Variants in RUBCN observed in about 807,000 individuals in gnomAD.
RUBCN encodes run domain Beclin-1-interacting and cysteine-rich domain-containing protein.
A neutral mutation model predicts 113.2 loss-of-function variants in RUBCN; 74 were observed. The observed-to-expected ratio is 0.65, with a 90% CI of 0.54 to 0.79. The LOEUF (loss-of-function observed/expected upper bound fraction) is 0.79. Ranked by LOEUF, RUBCN falls within the 30% of genes least tolerant of loss-of-function variation. The pLI is 0.00. For missense variants in RUBCN, 1,109 were observed against 1,251.7 expected, an observed-to-expected ratio of 0.89 and a Z score of 1.72; for synonymous variants, 480 against 490.0, an observed-to-expected ratio of 0.98 and a Z score of 0.27.
At chr3:197,717,901 C>T (rs2108958884) in intron 2 of RUBCN, 76 bp downstream of exon 2, 2 of 1,561,024 alleles carry the variant, frequency 1.3e-6, no homozygotes, top group Middle Eastern at 2.3e-4. Context: ...TGGCCTTCAT[C>T]TCCTCCCTGC....
chr3:197,685,740 T>C (rs1721768695), intron 11 of RUBCN, among the ~76,000 whole-genome samples: 1 of 152,228 alleles, frequency 6.6e-6, no homozygotes, highest in South Asian at 2.1e-4. Flanking sequence ...AAGTATATCA[T>C]GTTTTCTGGC....
intron 2 of RUBCN, among the ~76,000 whole-genome samples, chr3:197,705,982 G>A (rs1024013811): frequency 6.6e-6 from 1 of 152,116 alleles, no homozygotes; most frequent in African/African-American, 2.4e-5. Flanking sequence ...CCCGCCTTGG[G>A]TCACTTGTGT....
chr3:197,728,598 C>T (rs1029397704), intron 1 of RUBCN, among the ~76,000 whole-genome samples: 1 of 152,214 alleles, frequency 6.6e-6, no homozygotes, highest in African/African-American at 2.4e-5. Context: ...ATGACCACAA[C>T]GTTAATGTCT....
At chr3:197,720,866 T>C (rs1239464595) in intron 1 of RUBCN, among the ~76,000 whole-genome samples, 1 of 152,146 alleles carries the variant, frequency 6.6e-6, no homozygotes, top group South Asian at 2.1e-4. Flanking sequence ...TATTTTTAAC[T>C]TTTTGAGGAA....
At chr3:197,749,012 G>A (rs1264714051) in intron 1 of RUBCN, among the ~76,000 whole-genome samples, 1 of 152,184 alleles carries the variant, frequency 6.6e-6, no homozygotes, top group African/African-American at 2.4e-5. Context: ...GTAAATATCC[G>A]AGATAGTTTT....
At chr3:197,746,996 T>A (rs1285189892) in intron 1 of RUBCN, among the ~76,000 whole-genome samples, 3 of 152,034 alleles carry the variant, frequency 2.0e-5, no homozygotes, top group African/African-American at 7.3e-5. Context: ...ATTAAATGAA[T>A]AGCTACCTCT....
chr3:197,710,430 A>T (rs1410179648), intron 2 of RUBCN, among the ~76,000 whole-genome samples: 1 of 151,924 alleles, frequency 6.6e-6, no homozygotes, highest in Non-Finnish European at 1.5e-5. Flanking sequence ...GTGAAACCCC[A>T]TCTCTACTAA....
upstream of RUBCN, chr3:197,737,375 T>A (rs796458044): frequency 6.6e-6 from 1 of 150,618 alleles, no homozygotes; most frequent in South Asian, 2.2e-4. Flanking sequence ...CAGGTTGCTT[T>A]GGGATCATAA....
upstream of RUBCN, among the ~76,000 whole-genome samples, chr3:197,739,678 G>GCT (rs1728443394): frequency 6.6e-6 from 1 of 152,158 alleles, no homozygotes; most frequent in Non-Finnish European, 1.5e-5. Context: ...CAGCCTGGAA[G>GCT]ACAGAGCTAG....
intron 1 of RUBCN, among the ~76,000 whole-genome samples, chr3:197,718,827 A>G (rs1256801734): frequency 6.6e-6 from 1 of 152,172 alleles, no homozygotes; most frequent in East Asian, 1.9e-4. Flanking sequence ...TTTGCCAAAC[A>G]AAAAAGGCCA....
rs748416126 is a variant in RUBCN, at chr3:197,675,548, G to A, written c.2647-33C>T. 5.2e-6 allele frequency: 8 copies of A among 1,535,286 alleles called. 1 individual carries two copies. The highest frequency in any genetic ancestry group is 4.1e-5 in the African/African-American group (3 of 73,324). ...GGAAAAACACAGATGGCAAAATGAG[G>A]AGCGGCACATCAGGAACTGGCACGG... On this transcript the variant is annotated intron_variant, in intron 18 of 19. Transcript: ENST00000296343. This position sits in a 1 kb window ranked among gnomAD's most constrained non-coding sequence, Gnocchi z 4.4.
chr3:197,702,465 C>T (rs934763037), intron 5 of RUBCN, among the ~76,000 whole-genome samples: 2 of 152,168 alleles, frequency 1.3e-5, no homozygotes, highest in Non-Finnish European at 2.9e-5. Context: ...GAGATCGAGA[C>T]CAGCCTGGCC....
intron 16 of RUBCN, among the ~76,000 whole-genome samples, chr3:197,677,809 C>T (rs566456697): frequency 3.5e-4 from 51 of 145,826 alleles, no homozygotes; most frequent in Non-Finnish European, 6.5e-4. Flanking sequence ...CTGTCCCACA[C>T]TCTGACTGAC....
chr3:197,701,059 G>C lies in RUBCN; in HGVS notation c.815C>G (p.Thr272Ser). 1 of 1,612,862 alleles carries C rather than the reference G, an allele frequency of 6.2e-7. No homozygotes were observed. Among genetic ancestry groups the C allele is most frequent in the Non-Finnish European group, 8.5e-7 (1 of 1,179,164 alleles). ...RGHVSPAEDQ[T>S]IQAPPVSVSA... ...GACTGAAACTGGGGGGGCTTGGATG[G>C]TTTGATCCTCTGCTGGTGAGACGTG... The change falls in exon 7 of 20, where the codon ACC becomes AGC. Residue 272 changes from threonine to serine, a missense_variant. This residue lies in a region of RUBCN where 736 missense variants were observed against 779.6 expected (regional missense o/e 0.94). Transcript: ENST00000296343.
upstream of RUBCN, among the ~76,000 whole-genome samples, chr3:197,738,783 G>A (rs1273988786): frequency 3.3e-5 from 5 of 151,672 alleles, no homozygotes; most frequent in Admixed American, 6.6e-5. Flanking sequence ...GTAGAGACAG[G>A]GTCTCACTGT....
chr3:197,678,772 G>A (rs948531597), intron 16 of RUBCN, among the ~76,000 whole-genome samples: 1 of 129,356 alleles, frequency 7.7e-6, no homozygotes, highest in African/African-American at 3.0e-5. Context: ...ACTGTCCTAC[G>A]CTCTAACAAC....
intron 2 of RUBCN, among the ~76,000 whole-genome samples, chr3:197,706,369 T>C (rs116657061): frequency 0.012 from 1,852 of 152,176 alleles, 44 homozygotes; most frequent in African/African-American, 0.043. Context: ...TAAAAATATA[T>C]AGAGCTAGCA....
chr3:197,726,526 G>A (rs551555350), intron 1 of RUBCN, among the ~76,000 whole-genome samples: 4 of 140,672 alleles, frequency 2.8e-5, no homozygotes, highest in East Asian at 2.2e-4. Flanking sequence ...GATTACAGGC[G>A]TGAGCCACCG....
exon 1 of RUBCN, chr3:197,749,622 T>G: frequency 2.9e-6 from 3 of 1,024,646 alleles, no homozygotes; most frequent in Non-Finnish European, 1.4e-6. Context: ...ACACGGAGGA[T>G]TATATCACTG....
Sources: allele counts gnomAD v4.1 joint callset (sites outside exome capture counted in the v4.1 genomes callset), GRCh38; gene constraint gnomAD v4.1.1; regional missense constraint gnomAD v4.1.1; non-coding constraint Gnocchi (gnomAD v3.1); transcripts MANE v1.5; gene names NCBI Gene and HGNC (gene_info 2026-07-23, HGNC 2026-07-21).